The following CNKSR2 variants were observed in gnomAD, a reference collection of about 807,000 sequenced individuals.
CNKSR2 encodes CNK homolog protein 2.
Under a neutral mutation model 84.4 loss-of-function variants are expected in CNKSR2, and 14 were observed. That is an observed-to-expected ratio of 0.17 (90% CI 0.11 to 0.26). The LOEUF (loss-of-function observed/expected upper bound fraction) is 0.26. Among genes scored for constraint, CNKSR2 ranks in the 10% least tolerant of loss-of-function variants. The pLI is 1.00. For synonymous variants in CNKSR2, 275 were observed against 277.9 expected (o/e 0.99, Z 0.10); for missense variants, 485 against 771.2 (o/e 0.63, Z 4.40).
intron 8 of CNKSR2, among the ~76,000 whole-genome samples, chrX:21,511,626 A>AG (rs2091672089): frequency 9.0e-6 from 1 of 110,997 alleles, no homozygotes; most frequent in Admixed American, 9.7e-5. Flanking sequence ...TTACAAGCAG[A>AG]GGGAAGAGTG....
At chrX:21,410,219 C>G (rs1261095000) in intron 1 of CNKSR2, among the ~76,000 whole-genome samples, 1 of 111,053 alleles carries the variant, frequency 9.0e-6, no homozygotes, top group Non-Finnish European at 1.9e-5. Flanking sequence ...CCAACTAAAT[C>G]AAAATTTACT....
chrX:21,456,016 C>T (rs1317648261), intron 4 of CNKSR2, among the ~76,000 whole-genome samples: 1 of 110,983 alleles, frequency 9.0e-6, no homozygotes, highest in African/African-American at 3.3e-5. Context: ...TCCTTAACAC[C>T]CTCTACTCAT....
chrX:21,577,339 G>A (rs1262801382), intron 13 of CNKSR2, among the ~76,000 whole-genome samples: 1 of 110,987 alleles, frequency 9.0e-6, no homozygotes, highest in Non-Finnish European at 1.9e-5. Flanking sequence ...AATTAGTGAT[G>A]CACCATGTAA....
chrX:21,406,815 G>A (rs181996857), intron 1 of CNKSR2, among the ~76,000 whole-genome samples: 10 of 111,702 alleles, frequency 9.0e-5, no homozygotes, highest in African/African-American at 3.2e-4. Flanking sequence ...TTTTCTTGAG[G>A]TCTTCTGAAT....
chrX:21,599,942 ATG>A (rs1038208346), intron 17 of CNKSR2, among the ~76,000 whole-genome samples: 4 of 109,031 alleles, frequency 3.7e-5, no homozygotes, highest in East Asian at 5.8e-4. Flanking sequence ...AATTTTCTGG[ATG>A]TGTGTGTGTG....
At chrX:21,448,513 A>G (rs1180621772) in intron 4 of CNKSR2, among the ~76,000 whole-genome samples, 2 of 111,571 alleles carry the variant, frequency 1.8e-5, no homozygotes, top group Non-Finnish European at 3.8e-5. Flanking sequence ...ATTGTACCAT[A>G]CATGAATTAC....
intron 11 of CNKSR2, among the ~76,000 whole-genome samples, chrX:21,545,003 TACCCCATTG>T (rs1182172760): frequency 9.0e-6 from 1 of 111,106 alleles, no homozygotes; most frequent in African/African-American, 3.3e-5. Context: ...AGTTTTTTCC[TACCCCATTG>T]ACACCTGGAA....
chrX:21,433,148 A>T (rs1191204918), intron 3 of CNKSR2, among the ~76,000 whole-genome samples: 1 of 111,601 alleles, frequency 9.0e-6, no homozygotes, highest in Non-Finnish European at 1.9e-5. Context: ...CTTTATTCAT[A>T]TTAATTGGTT....
intron 8 of CNKSR2, among the ~76,000 whole-genome samples, chrX:21,515,350 G>C (rs1265368772): frequency 9.0e-6 from 1 of 111,002 alleles, no homozygotes; most frequent in African/African-American, 3.3e-5. Flanking sequence ...GCAAAAACAT[G>C]GTTATTATTA....
At chrX:21,542,545 G>A (rs1226250192) in intron 11 of CNKSR2, among the ~76,000 whole-genome samples, 1 of 111,704 alleles carries the variant, frequency 9.0e-6, no homozygotes, top group Non-Finnish European at 1.9e-5. Context: ...CATTGCTCAG[G>A]CTTCAAAGGC....
chrX:21,608,111 T>A (rs2092528372), intron 19 of CNKSR2: 1 of 111,180 alleles, frequency 9.0e-6, no homozygotes, highest in African/African-American at 3.3e-5. Flanking sequence ...ACTATTCATA[T>A]TATTATTAAC....
chrX:21,652,831 A>G lies in CNKSR2; in HGVS notation c.*310A>G, dbSNP rs1485678632. On this transcript the variant is annotated 3_prime_UTR_variant, in exon 22 of 22. Coordinates refer to ENST00000379510, the MANE Select transcript of CNKSR2 (RefSeq NM_014927.5). ...GTAAAACCACAAAAGGCAGTTTTCT[A>G]TCTATGGTCATCTTTTCTCCCTTTA... The G allele has an allele frequency of 5.6e-6, 1 of 176,994 alleles. No homozygotes were observed. Among genetic ancestry groups the G allele is most frequent in the East Asian group, 1.2e-4 (1 of 8,470 alleles). The allele number at this position is 176,994 out of a possible 1,213,427, so 14.6% of individuals were successfully genotyped here. A position where few individuals can be genotyped will look rare whatever the true frequency, so the allele number is the denominator to read the frequency against.
At chrX:21,623,674 T>C (rs762597946) in intron 20 of CNKSR2, among the ~76,000 whole-genome samples, 1 of 111,621 alleles carries the variant, frequency 9.0e-6, no homozygotes, top group African/African-American at 3.2e-5. Context: ...TTCACTGAGC[T>C]TATACGTATT....
chrX:21,421,724 G>A (rs1190757879), intron 1 of CNKSR2: 1 of 110,073 alleles, frequency 9.1e-6, no homozygotes, highest in Non-Finnish European at 1.9e-5. Context: ...ATTAGCTTGG[G>A]ATATAATGGG....
At chrX:21,486,109 T>C (rs1231802186) in intron 5 of CNKSR2, among the ~76,000 whole-genome samples, 1 of 111,562 alleles carries the variant, frequency 9.0e-6, no homozygotes, top group Non-Finnish European at 1.9e-5. Flanking sequence ...GGGCAACAGA[T>C]CGAGACTCCA....
intron 8 of CNKSR2, chrX:21,504,371 T>G (rs2091591278): frequency 8.9e-6 from 1 of 112,231 alleles, no homozygotes; most frequent in East Asian, 2.8e-4. Flanking sequence ...TCTAATCCAT[T>G]AATTGACTAG....
chrX:21,644,885 G>C (rs917688221), intron 20 of CNKSR2: 1 of 112,151 alleles, frequency 8.9e-6, no homozygotes, highest in African/African-American at 3.2e-5. Flanking sequence ...ACTAATAAGA[G>C]TGTGCAATCA....
intron 9 of CNKSR2, 40 bp downstream of exon 9, chrX:21,516,671 G>T: frequency 8.8e-7 from 1 of 1,134,891 alleles, no homozygotes; most frequent in Non-Finnish European, 1.2e-6. Context: ...CATCATTTTA[G>T]CCATAGATTA....
chrX:21,376,718 T>A (rs2089822362), intron 1 of CNKSR2, among the ~76,000 whole-genome samples: 1 of 111,978 alleles, frequency 8.9e-6, no homozygotes, highest in Non-Finnish European at 1.9e-5. Context: ...TTAGTTTGAG[T>A]CTGTTGCTGA....
Sources: gnomAD v4.1 joint callset for allele counts (sites outside exome capture counted in the v4.1 genomes callset) on GRCh38, gnomAD v4.1.1 for gene constraint, MANE v1.5 for transcripts, NCBI Gene and HGNC (gene_info 2026-07-23, HGNC 2026-07-21) for gene names.